The following INO80 variants were observed in gnomAD, a reference collection of about 807,000 sequenced individuals.
INO80 encodes the protein chromatin-remodeling ATPase INO80.
A neutral mutation model predicts 203.4 loss-of-function variants in INO80; 20 were observed. The ratio of observed to expected loss-of-function variants is 0.10; its 90% CI spans 0.07 to 0.14. INO80 has a LOEUF of 0.14. INO80 is among the 10% of genes least tolerant of loss of function. The probability of loss-of-function intolerance (pLI) is 1.00; values close to 1 mark genes in which losing one functional copy is unlikely to be tolerated. For synonymous variants in INO80, 726 were observed against 685.2 expected (o/e 1.06, Z -0.93); for missense variants, 1,419 against 1,914.4 (o/e 0.74, Z 4.83).
intron 27 of INO80, among the ~76,000 whole-genome samples, chr15:41,013,591 C>T (rs936899834): frequency 2.0e-5 from 3 of 152,136 alleles, no homozygotes; most frequent in Non-Finnish European, 4.4e-5. Context: ...TAATTCCATG[C>T]TCATAAATTA....
intron 31 of INO80, among the ~76,000 whole-genome samples, chr15:40,986,576 G>C (rs1251699465): frequency 6.6e-6 from 1 of 151,472 alleles, no homozygotes; most frequent in Non-Finnish European, 1.5e-5. Context: ...CACCTGCCTC[G>C]GCCTCCCAAA....
chr15:41,064,735 G>A (rs960295344), intron 14 of INO80, among the ~76,000 whole-genome samples: 5 of 152,084 alleles, frequency 3.3e-5, no homozygotes, highest in Admixed American at 2.6e-4. Context: ...GGTGGCTAAC[G>A]TCTGTAATCC....
chr15:41,018,748 T>G (rs1253550055), intron 26 of INO80: 1 of 152,202 alleles, frequency 6.6e-6, no homozygotes, highest in Non-Finnish European at 1.5e-5. Context: ...TAGCCAAGTT[T>G]TTAGCAGTCA....
At chr15:41,043,219 CAAT>C (rs1440377264) in intron 24 of INO80, among the ~76,000 whole-genome samples, 2 of 152,108 alleles carry the variant, frequency 1.3e-5, no homozygotes, top group East Asian at 1.9e-4. Flanking sequence ...CAGGGAACAA[CAAT>C]GTCTTGGAAG....
At chr15:41,036,201 T>C (rs1271389183) in intron 24 of INO80, among the ~76,000 whole-genome samples, 2 of 93,872 alleles carry the variant, frequency 2.1e-5, no homozygotes, top group Non-Finnish European at 4.2e-5. Context: ...AAAAACCACA[T>C]AGCTAAGCTG....
intron 27 of INO80, among the ~76,000 whole-genome samples, chr15:41,006,318 A>G (rs571549324): frequency 6.6e-6 from 1 of 152,334 alleles, no homozygotes; most frequent in African/African-American, 2.4e-5. Context: ...CCATTCTTAG[A>G]AATTGCAATT....
At chr15:41,062,097 T>A (rs1350094747) in intron 14 of INO80, among the ~76,000 whole-genome samples, 1 of 152,102 alleles carries the variant, frequency 6.6e-6, no homozygotes, top group Non-Finnish European at 1.5e-5. Context: ...TGAAAAAATC[T>A]AAACATAAAA....
chr15:41,094,732 G>A (rs2045695021), intron 4 of INO80, among the ~76,000 whole-genome samples: 1 of 152,076 alleles, frequency 6.6e-6, no homozygotes, highest in Non-Finnish European at 1.5e-5. Context: ...TGTACTTCCT[G>A]TTTCCCCTCA....
At chr15:41,031,581 GGGAGGA>G (rs2044469513) in intron 24 of INO80, among the ~76,000 whole-genome samples, 1 of 13,108 alleles carries the variant, frequency 7.6e-5, no homozygotes, top group African/African-American at 2.2e-4. Flanking sequence ...AAGGGAGGAA[GGGAGGA>G]AGGGAGGGAG....
intron 20 of INO80, among the ~76,000 whole-genome samples, chr15:41,049,622 G>A (rs149929924): frequency 1.8e-4 from 28 of 152,262 alleles, no homozygotes; most frequent in East Asian, 1.3e-3. Flanking sequence ...AAGGCCAGGC[G>A]CAGTGGCTCA....
At chr15:41,113,562 C>T (rs997554338) in intron 1 of INO80, among the ~76,000 whole-genome samples, 4 of 152,176 alleles carry the variant, frequency 2.6e-5, no homozygotes, top group African/African-American at 9.7e-5. Flanking sequence ...GCCACCGCAC[C>T]CGGCCAACAA....
At chr15:41,037,760 T>G (rs2044602476) in intron 24 of INO80, among the ~76,000 whole-genome samples, 1 of 151,796 alleles carries the variant, frequency 6.6e-6, no homozygotes, top group South Asian at 2.1e-4. Context: ...CTGGCCCACA[T>G]GGCGAAACCC....
chr15:41,070,642 T>A, intron 12 of INO80, 95 bp from the exon 13 acceptor site: 1 of 1,022,920 alleles, frequency 9.8e-7, no homozygotes, highest in Non-Finnish European at 1.5e-6. Flanking sequence ...ACAGGCTTGT[T>A]TAAAGAGAAG....
chr15:41,042,694 G>C (rs879911370), intron 24 of INO80, among the ~76,000 whole-genome samples: 4 of 152,082 alleles, frequency 2.6e-5, no homozygotes, highest in African/African-American at 7.2e-5. Context: ...GGCTGGTCTT[G>C]AACTCCTGAC....
At chr15:41,020,744 T>A (rs2044281244) in intron 26 of INO80, among the ~76,000 whole-genome samples, 156 bp downstream of exon 26, 1 of 152,102 alleles carries the variant, frequency 6.6e-6, no homozygotes, top group East Asian at 1.9e-4. Flanking sequence ...CATCATAAAT[T>A]ACTAATATTC....
chr15:41,031,590 GGAGGGAGGGAGGGA>G (rs2044470456), intron 24 of INO80, among the ~76,000 whole-genome samples: 2 of 9,666 alleles, frequency 2.1e-4, no homozygotes, highest in African/African-American at 7.0e-4. Context: ...AGGGAGGAAG[GGAGGGAGGGAGGGA>G]GGAAGGGAGG....
intron 27 of INO80, among the ~76,000 whole-genome samples, chr15:41,009,798 C>G (rs2044106786): frequency 6.6e-6 from 1 of 151,872 alleles, no homozygotes; most frequent in African/African-American, 2.4e-5. Context: ...GGGGGTCTTG[C>G]TATGTTGTCC....
chr15:41,040,853 A>T (rs1201925734), intron 24 of INO80, among the ~76,000 whole-genome samples: 1 of 152,238 alleles, frequency 6.6e-6, no homozygotes, highest in East Asian at 1.9e-4. Flanking sequence ...TATTTGTAAT[A>T]TACAAAGAAC....
chr15:41,054,751 G>A (rs148130352), intron 18 of INO80, among the ~76,000 whole-genome samples: 300 of 152,204 alleles, frequency 2.0e-3, no homozygotes, highest in African/African-American at 6.9e-3. Context: ...CGATTCACCC[G>A]CCTCAGCCTC....
Sources: gnomAD v4.1 joint callset for allele counts (sites outside exome capture counted in the v4.1 genomes callset) on GRCh38, gnomAD v4.1.1 for gene constraint, MANE v1.5 for transcripts, NCBI Gene and HGNC (gene_info 2026-07-23, HGNC 2026-07-21) for gene names.